Variants in DPP6 observed in about 807,000 individuals in gnomAD.
DPP6 encodes A-type potassium channel modulatory protein DPP6.
Under a neutral mutation model 122.6 loss-of-function variants are expected in DPP6, and 69 were observed. The observed-to-expected ratio is 0.56, with a 90% CI of 0.46 to 0.69. The LOEUF is 0.69. Ranked by LOEUF, DPP6 falls within the 30% of genes least tolerant of loss-of-function variation. The probability of loss-of-function intolerance (pLI) is 0.00; values close to 1 mark genes in which losing one functional copy is unlikely to be tolerated. For missense variants in DPP6, 928 were observed against 1,116.9 expected (o/e 0.83, Z 2.41); for synonymous variants, 418 against 433.1 (o/e 0.97, Z 0.43).
chr7:154,242,127 G>A, intron 1 of DPP6, among the ~76,000 whole-genome samples: 1 of 152,118 alleles, frequency 6.6e-6, no homozygotes, highest in Non-Finnish European at 1.5e-5. Flanking sequence ...AACAACAAAG[G>A]GACCTGTCAT....
chr7:154,016,456 C>T (rs549104511), intron 1 of DPP6, among the ~76,000 whole-genome samples: 1 of 150,856 alleles, frequency 6.6e-6, no homozygotes, highest in Admixed American at 6.6e-5. Context: ...TAAAACATCT[C>T]AATAAAGAAT....
intron 2 of DPP6, among the ~76,000 whole-genome samples, chr7:154,463,972 C>T (rs780346381): frequency 2.6e-5 from 4 of 152,210 alleles, no homozygotes; most frequent in Non-Finnish European, 5.9e-5. Flanking sequence ...TGCTGTCTCA[C>T]TAGGTTGTGT....
intron 4 of DPP6, 60 bp from the exon 5 acceptor site, chr7:154,566,782 A>T (rs993758656): frequency 1.0e-6 from 1 of 963,892 alleles, no homozygotes. Flanking sequence ...CAATTTTATT[A>T]TAAGATTCTG....
intron 1 of DPP6, among the ~76,000 whole-genome samples, chr7:154,205,435 G>A (rs560168125): frequency 5.9e-5 from 9 of 152,316 alleles, no homozygotes; most frequent in East Asian, 1.9e-4. Flanking sequence ...GGAGCCATAG[G>A]TGTGTGACCT....
intron 13 of DPP6, among the ~76,000 whole-genome samples, chr7:154,803,389 G>A (rs895866978): frequency 1.3e-5 from 2 of 152,178 alleles, no homozygotes; most frequent in South Asian, 4.1e-4. Context: ...GGTCCAAACT[G>A]TCCTTGTCAG....
chr7:154,047,349 AACT>A (rs1387440347), intron 1 of DPP6, among the ~76,000 whole-genome samples: 6 of 148,344 alleles, frequency 4.0e-5, no homozygotes, highest in African/African-American at 1.3e-4. Flanking sequence ...AATCATATTT[AACT>A]TAATTCACCT....
chr7:154,056,748 C>T (rs1182318413), intron 1 of DPP6, among the ~76,000 whole-genome samples: 3 of 152,164 alleles, frequency 2.0e-5, no homozygotes, highest in East Asian at 1.9e-4. Context: ...TTTTTTTCCT[C>T]CACCTTGGTT....
chr7:154,061,108 A>G (rs1416902573), intron 1 of DPP6, among the ~76,000 whole-genome samples: 2 of 148,450 alleles, frequency 1.3e-5, no homozygotes, highest in African/African-American at 4.9e-5. Context: ...GTTATTTGCA[A>G]TCTACCGGAA....
chr7:154,698,079 A>G (rs1446313960), intron 7 of DPP6, among the ~76,000 whole-genome samples: 1 of 152,236 alleles, frequency 6.6e-6, no homozygotes. Context: ...ATCTAAAATT[A>G]CTATTAATAT....
intron 6 of DPP6, among the ~76,000 whole-genome samples, chr7:154,652,434 A>G (rs1836938343): frequency 6.7e-6 from 1 of 148,328 alleles, no homozygotes; most frequent in Non-Finnish European, 1.5e-5. Context: ...ATCAATATAC[A>G]CACTTAGATT....
At chr7:153,910,097 A>T (rs1159344958) in intron 1 of DPP6, among the ~76,000 whole-genome samples, 1 of 152,102 alleles carries the variant, frequency 6.6e-6, no homozygotes, top group African/African-American at 2.4e-5. Context: ...TGTAATACAC[A>T]TGTATACTTT....
intron 8 of DPP6, among the ~76,000 whole-genome samples, chr7:154,737,407 T>C (rs906251463): frequency 3.9e-5 from 6 of 152,230 alleles, no homozygotes; most frequent in African/African-American, 1.4e-4. Flanking sequence ...AAATCACTTA[T>C]AAATACCTAA....
At chr7:154,201,011 A>G (rs1799143450) in intron 1 of DPP6, among the ~76,000 whole-genome samples, 1 of 152,216 alleles carries the variant, frequency 6.6e-6, no homozygotes, top group African/African-American at 2.4e-5. Flanking sequence ...CAGGAAGCAG[A>G]GGGCACGGTG....
At chr7:154,732,522 A>G (rs1330958253) in intron 8 of DPP6, among the ~76,000 whole-genome samples, 1 of 152,308 alleles carries the variant, frequency 6.6e-6, no homozygotes, top group South Asian at 2.1e-4. Context: ...TTGGAGGACA[A>G]CATCTTTCCT....
At chr7:154,818,653 C>T (rs1185710069) in intron 16 of DPP6, among the ~76,000 whole-genome samples, 2 of 152,206 alleles carry the variant, frequency 1.3e-5, no homozygotes, top group Non-Finnish European at 2.9e-5. Context: ...CTCTAGACAT[C>T]TCTTATATCA....
chr7:154,587,583 G>T, intron 5 of DPP6: 1 of 1,473,790 alleles, frequency 6.8e-7, no homozygotes, highest in Non-Finnish European at 9.0e-7. Flanking sequence ...CCCCAAAATA[G>T]CATCCTGGGA....
intron 1 of DPP6, among the ~76,000 whole-genome samples, chr7:154,243,804 A>G (rs183798650): frequency 6.6e-6 from 1 of 152,198 alleles, no homozygotes; most frequent in Admixed American, 6.5e-5. Flanking sequence ...TCAAAAAAAA[A>G]AGAAAAGAGT....
chr7:154,283,577 T>C lies in DPP6; in HGVS notation c.244-162637T>C, dbSNP rs114644397. Among the ~76,000 whole-genome samples, 282 of 151,890 alleles carry C rather than the reference T, an allele frequency of 1.9e-3. 1 individual carries two copies. The highest frequency in any genetic ancestry group is 6.6e-3 in the African/African-American group (274 of 41,270). ...GCAGGGCTCTGTTCTTTGAGAAACT[T>C]ACTCTTTATTTGAGACAAACAATAA... On this transcript the variant is annotated intron_variant, in intron 1 of 25. Transcript: ENST00000377770.
intron 1 of DPP6, among the ~76,000 whole-genome samples, chr7:153,895,852 C>T (rs1406323351): frequency 6.6e-6 from 1 of 152,188 alleles, no homozygotes; most frequent in African/African-American, 2.4e-5. Flanking sequence ...TGGGTGCAAT[C>T]ACTTTGACTG....
Sources: gnomAD v4.1 joint callset for allele counts (sites outside exome capture counted in the v4.1 genomes callset) on GRCh38, gnomAD v4.1.1 for gene constraint, MANE v1.5 for transcripts, NCBI Gene and HGNC (gene_info 2026-07-23, HGNC 2026-07-21) for gene names.